RPS6KA5: variants seen among roughly 807,000 people sequenced by gnomAD.
The protein encoded by RPS6KA5 is ribosomal protein S6 kinase alpha-5.
RPS6KA5 carries 27 observed loss-of-function variants against 85.5 expected under a neutral mutation model. The observed-to-expected ratio is 0.32, with a 90% CI of 0.23 to 0.44. The LOEUF is 0.44. Among genes scored for constraint, RPS6KA5 ranks in the 20% least tolerant of loss-of-function variants. The probability of loss-of-function intolerance (pLI) is 1.00; values close to 1 mark genes in which losing one functional copy is unlikely to be tolerated. For missense variants in RPS6KA5, 811 were observed against 980.9 expected, an observed-to-expected ratio of 0.83 and a Z score of 2.31; for synonymous variants, 334 against 348.2, an observed-to-expected ratio of 0.96 and a Z score of 0.46.
chr14:91,021,304 T>C (rs909735192), intron 1 of RPS6KA5, among the ~76,000 whole-genome samples: 1 of 152,002 alleles, frequency 6.6e-6, no homozygotes, highest in Non-Finnish European at 1.5e-5. Context: ...TATCTACCTA[T>C]CTATTAGGCT....
intron 5 of RPS6KA5, among the ~76,000 whole-genome samples, chr14:90,929,709 G>A (rs146182842): frequency 0.016 from 2,429 of 152,076 alleles, 73 homozygotes; most frequent in African/African-American, 0.056. Flanking sequence ...TTATATATTC[G>A]ATTCCACAAT....
At chr14:90,935,819 T>A (rs1278729798) in intron 5 of RPS6KA5, among the ~76,000 whole-genome samples, 2 of 152,204 alleles carry the variant, frequency 1.3e-5, no homozygotes, top group Non-Finnish European at 2.9e-5. Flanking sequence ...GTTTTGAAAA[T>A]TTTCAAGCAC....
At chr14:91,039,562 C>G (rs748508869) in intron 1 of RPS6KA5, among the ~76,000 whole-genome samples, 2 of 152,152 alleles carry the variant, frequency 1.3e-5, no homozygotes, top group Non-Finnish European at 2.9e-5. Context: ...AGTGGGACAT[C>G]AAGGTCCTTA....
At chr14:90,907,073 C>G (rs987891709) in intron 7 of RPS6KA5, among the ~76,000 whole-genome samples, 1 of 152,064 alleles carries the variant, frequency 6.6e-6, no homozygotes. Context: ...TCCAAGTGTA[C>G]CTTTCTCCCT....
At chr14:90,883,321 T>C (rs1355199374) in intron 14 of RPS6KA5, among the ~76,000 whole-genome samples, 1 of 152,204 alleles carries the variant, frequency 6.6e-6, no homozygotes, top group African/African-American at 2.4e-5. Context: ...TTCGCTTTTT[T>C]TCATTTTTCT....
intron 1 of RPS6KA5, among the ~76,000 whole-genome samples, chr14:91,016,967 G>A (rs535239146): frequency 9.2e-5 from 14 of 152,008 alleles, no homozygotes; most frequent in African/African-American, 3.4e-4. Flanking sequence ...CAAGTAGATA[G>A]GATGACCTGT....
chr14:90,928,478 T>C (rs2036800261), intron 5 of RPS6KA5, among the ~76,000 whole-genome samples: 1 of 151,616 alleles, frequency 6.6e-6, no homozygotes. Flanking sequence ...AAAAGACTAA[T>C]AAAATGGACA....
chr14:90,987,793 A>C (rs906492850), intron 2 of RPS6KA5, among the ~76,000 whole-genome samples: 1 of 152,212 alleles, frequency 6.6e-6, no homozygotes, highest in African/African-American at 2.4e-5. Flanking sequence ...GGTAGACACA[A>C]ATGGTTACTG....
At chr14:91,023,793 C>T (rs1053421327) in intron 1 of RPS6KA5, among the ~76,000 whole-genome samples, 2 of 152,022 alleles carry the variant, frequency 1.3e-5, no homozygotes, top group African/African-American at 4.8e-5. Flanking sequence ...TTGCCTAAAG[C>T]CCTGAGGATT....
At position 90,854,400 on chromosome 14, in the gene RPS6KA5, TTATA is replaced by T. The variant is rs2032172732; in HGVS notation, c.*17670_*17673del. 6.6e-6 allele frequency: 1 copy of T among 152,194 alleles called. No homozygotes were observed. The highest frequency in any genetic ancestry group is 2.1e-4 in the South Asian group (1 of 4,836). 9.4% of individuals were successfully genotyped at this position (152,194 alleles called of 1,614,324 possible). A position where few individuals can be genotyped will look rare whatever the true frequency, so the allele number is the denominator to read the frequency against. On this transcript the variant is annotated 3_prime_UTR_variant, in exon 17 of 17. Transcript: ENST00000614987. The stretch of plus-strand genomic sequence containing the variant: ...TAGCCTACATAATGAAGATTATGTA[TTATA>T]TAGTCACAAATTTTTATTTTAGATT...
chr14:90,968,831 A>C (rs1286299800), intron 3 of RPS6KA5, among the ~76,000 whole-genome samples: 1 of 152,230 alleles, frequency 6.6e-6, no homozygotes, highest in Non-Finnish European at 1.5e-5. Context: ...TCATGCTTAT[A>C]ACTTAAGTGT....
At chr14:90,885,011 G>C (rs764605298) in intron 14 of RPS6KA5, among the ~76,000 whole-genome samples, 2 of 152,112 alleles carry the variant, frequency 1.3e-5, no homozygotes, top group Middle Eastern at 3.2e-3. Context: ...CCAGAACTTT[G>C]GGAGGCTGAG....
rs113636960 is a variant in RPS6KA5 at position 90,942,848 on chromosome 14, T to G, written c.618+230A>C. ...AAAGTTAAATGCATAGTGTCTTTTT[T>G]CTTTTTTAAATAAATAGGAATTCTG... On this transcript the variant is annotated intron_variant, in intron 5 of 16. Coordinates refer to ENST00000614987, the MANE Select transcript of RPS6KA5 (RefSeq NM_004755.4). Among the ~76,000 whole-genome samples the G allele has an allele frequency of 4.8e-3, 718 of 149,096 alleles. 6 individuals are homozygous for G. Among genetic ancestry groups the G allele is most frequent in the African/African-American group, 0.018 (679 of 38,504 alleles).
intron 14 of RPS6KA5, among the ~76,000 whole-genome samples, chr14:90,877,008 C>T (rs2033524180): frequency 6.6e-6 from 1 of 152,044 alleles, no homozygotes; most frequent in South Asian, 2.1e-4. Flanking sequence ...ATAAAAAGGA[C>T]AACCAGGAGA....
rs537894267 is a variant in RPS6KA5, at chr14:91,044,646, G to C, written c.103+15686C>G. Among the ~76,000 whole-genome samples the C allele has an allele frequency of 2.3e-3, 343 of 152,176 alleles. 3 individuals carry two copies. Among genetic ancestry groups the C allele is most frequent in the Non-Finnish European group, 3.6e-3 (245 of 68,002 alleles). On this transcript the variant is annotated intron_variant, in intron 1 of 16. Coordinates refer to ENST00000614987, the MANE Select transcript of RPS6KA5 (RefSeq NM_004755.4). ...TCCAGCACTTTTGGAGGCCGAGGCG[G>C]GTGAATCACGAGGTCAGCAGTTCGA... is the stretch of plus-strand genomic sequence containing the variant.
At chr14:91,000,132 A>G (rs1448741670) in intron 2 of RPS6KA5, among the ~76,000 whole-genome samples, 1 of 152,190 alleles carries the variant, frequency 6.6e-6, no homozygotes, top group Non-Finnish European at 1.5e-5. Flanking sequence ...GCATACAAAT[A>G]TACACGCAGA....
intron 1 of RPS6KA5, among the ~76,000 whole-genome samples, chr14:91,022,282 A>C (rs1485099745): frequency 2.0e-5 from 3 of 152,232 alleles, no homozygotes; most frequent in Non-Finnish European, 4.4e-5. Context: ...ACTCAGAACA[A>C]GAATATGATG....
chr14:90,914,253 C>G (rs997937273), intron 7 of RPS6KA5, among the ~76,000 whole-genome samples: 2 of 148,916 alleles, frequency 1.3e-5, no homozygotes, highest in Admixed American at 1.3e-4. Context: ...AAATGATAGG[C>G]AGACTGATGA....
rs2032142599 is a variant in RPS6KA5, at chr14:90,853,900, T to C, written c.*18174A>G. On this transcript the variant is annotated 3_prime_UTR_variant, in exon 17 of 17. Coordinates refer to ENST00000614987, the MANE Select transcript of RPS6KA5 (RefSeq NM_004755.4). ...AAATATTTCACACCCTTTTTCTTGATTAATCATTTGTACCAGAGAAAACTC... is the reference window on the plus strand; with the variant it reads ...AAATATTTCACACCCTTTTTCTTGACTAATCATTTGTACCAGAGAAAACTC... The C allele has an allele frequency of 6.6e-6, 1 of 152,180 alleles. No individual in the cohort carries two copies. The highest frequency in any genetic ancestry group is 1.5e-5 in the Non-Finnish European group (1 of 68,026). 9.4% of individuals were successfully genotyped at this position (152,180 alleles called of 1,614,324 possible).
Sources: allele counts gnomAD v4.1 joint callset (sites outside exome capture counted in the v4.1 genomes callset), GRCh38; gene constraint gnomAD v4.1.1; transcripts MANE v1.5; gene names NCBI Gene and HGNC (gene_info 2026-07-23, HGNC 2026-07-21).